The following MYO9B variants were observed in gnomAD, a reference collection of about 807,000 sequenced individuals.
MYO9B encodes unconventional myosin-IXb.
Under a neutral mutation model 229.5 loss-of-function variants are expected in MYO9B, and 71 were observed. The ratio of observed to expected loss-of-function variants is 0.31; its 90% CI spans 0.26 to 0.38. MYO9B has a LOEUF of 0.38. Ranked by LOEUF, MYO9B falls within the 10% of genes least tolerant of loss-of-function variation. MYO9B has a pLI of 1.00. For synonymous variants in MYO9B, 1,185 were observed against 1,235.8 expected (o/e 0.96, Z 0.86); for missense variants, 2,255 against 2,920.5 (o/e 0.77, Z 5.25).
rs12461009 is a variant in MYO9B, at chr19:17,101,291, T to C, written c.-58-369T>C. 0.74 allele frequency among the ~76,000 whole-genome samples: 111,707 copies of C among 151,636 alleles called. 41,622 individuals are homozygous for C. Among genetic ancestry groups the C allele is most frequent in the African/African-American group, 0.82 (33,839 of 41,340 alleles). On this transcript the variant is annotated intron_variant, in intron 1 of 39. Transcript: ENST00000682292. The surrounding 1 kb of genome is among the most constrained non-coding windows in gnomAD (Gnocchi z 4.7). Reference sequence around the variant, plus strand: ...CTCCTGGGTTCAAGTGATCCTCCCATCTCAGCCTCCTGAGGAGCTGGGACC... The same window carrying C: ...CTCCTGGGTTCAAGTGATCCTCCCACCTCAGCCTCCTGAGGAGCTGGGACC...
chr19:17,209,469 C>G, intron 35 of MYO9B, 117 bp from the exon 36 acceptor site: 1 of 1,116,656 alleles, frequency 9.0e-7, no homozygotes, highest in South Asian at 1.5e-5. Flanking sequence ...GTCCCAGGCA[C>G]TGCTTGGTCT....
intron 1 of MYO9B, among the ~76,000 whole-genome samples, chr19:17,089,306 A>G (rs1018416393): frequency 1.3e-5 from 2 of 152,154 alleles, no homozygotes; most frequent in African/African-American, 4.8e-5. Flanking sequence ...GATCAGGGAA[A>G]TGTACACAAA....
At chr19:17,186,790 G>A (rs1371874323) in intron 18 of MYO9B, among the ~76,000 whole-genome samples, 1 of 152,130 alleles carries the variant, frequency 6.6e-6, no homozygotes, top group African/African-American at 2.4e-5. Context: ...GAGTACAGTG[G>A]TGCGATCTCG....
intron 26 of MYO9B, among the ~76,000 whole-genome samples, chr19:17,201,713 C>G (rs1215801804): frequency 6.6e-6 from 1 of 152,084 alleles, no homozygotes; most frequent in Non-Finnish European, 1.5e-5. Flanking sequence ...ACAGGGCAGG[C>G]CCCAATGTGG....
rs978575088 is a variant in MYO9B, at chr19:17,103,394, A to G, written c.840+837A>G. ...CTGGGACTCATCAGGAGGCTGAGGG[A>G]GAGAGGGAAAAAGGGAGCGGGGAGA... is the stretch of plus-strand genomic sequence containing the variant. On this transcript the variant is annotated intron_variant, in intron 2 of 39. Transcript: ENST00000682292. 2.7e-4 allele frequency: 41 copies of G among 152,294 alleles called. 1 individual carries two copies. Among genetic ancestry groups the G allele is most frequent in the Non-Finnish European group, 1.5e-5 (1 of 68,080 alleles). The allele number at this position is 152,294 out of a possible 1,614,324, so 9.4% of individuals were successfully genotyped here.
intron 2 of MYO9B, among the ~76,000 whole-genome samples, chr19:17,132,517 T>C (rs2072211423): frequency 9.0e-6 from 1 of 111,344 alleles, no homozygotes; most frequent in African/African-American, 3.9e-5. Context: ...TATTTATTTA[T>C]TATTATTATT....
In MYO9B at chr19:17,200,315, C is replaced by G. The variant is rs1302333077; in HGVS notation, c.4261C>G (p.Leu1421Val). The G allele has an allele frequency of 1.2e-6, 2 of 1,612,390 alleles. No individual in the cohort carries two copies. Among genetic ancestry groups the G allele is most frequent in the Non-Finnish European group, 1.7e-6 (2 of 1,179,510 alleles). Reference sequence around the variant, plus strand: ...CAGATCCACGTTTAAGAGGCTTTTTCTGCATAAAACCAAGGATAAAAAATA... The same window carrying G: ...CAGATCCACGTTTAAGAGGCTTTTTGTGCATAAAACCAAGGATAAAAAATA... ...DSKSTFKRLF[L>V]HKTKDKKYSL... The change falls in exon 25 of 40, where the codon CTG becomes GTG. Residue 1421 changes from leucine (L) to valine (V), a missense_variant. Leu to Val is a conservative substitution (Grantham distance 32, BLOSUM62 1). This residue lies in a region of MYO9B where 679 missense variants were observed against 770.2 expected (regional missense o/e 0.88). Coordinates refer to ENST00000682292, the MANE Select transcript of MYO9B (RefSeq NM_004145.4).
intron 2 of MYO9B, among the ~76,000 whole-genome samples, chr19:17,114,640 T>G (rs919498357): frequency 1.3e-5 from 2 of 152,302 alleles, no homozygotes; most frequent in Non-Finnish European, 2.9e-5. Context: ...TGGGGTTTTT[T>G]GCAAAGGAAT....
At position 17,207,046 on chromosome 19, in the gene MYO9B, T is replaced by C. The variant is rs903954320; in HGVS notation, c.5493-67T>C. The C allele has an allele frequency of 3.8e-6, 6 of 1,573,398 alleles. No individual in the cohort carries two copies. In the African/African-American group the frequency reaches 6.8e-5, roughly 18 times the overall value. ...GCCACCCCAGGGCTCAGAAGTTCAG[T>C]CTCGGGGCTCCCTGGTACCTCCCTC... On this transcript the variant is annotated intron_variant, in intron 34 of 39. Transcript: ENST00000682292.
chr19:17,196,335 GTAA>G lies in MYO9B; in HGVS notation c.4046+864_4046+866del, dbSNP rs576552827. On this transcript the variant is annotated intron_variant, in intron 22 of 39. Transcript: ENST00000682292. The stretch of plus-strand genomic sequence containing the variant: ...GGGATGGATAGATAGAAGACAGGTA[GTAA>G]TGATGGATAGAGGCATGGATGGATG... 4.7e-3 allele frequency among the ~76,000 whole-genome samples: 716 copies of G among 152,204 alleles called. 3 individuals are homozygous for G. Among genetic ancestry groups the G allele is most frequent in the Non-Finnish European group, 7.9e-3 (538 of 68,004 alleles).
intron 31 of MYO9B, 127 bp from the exon 32 acceptor site, chr19:17,205,833 A>G: frequency 1.1e-6 from 1 of 907,258 alleles, no homozygotes; most frequent in Non-Finnish European, 1.6e-6. Context: ...AGAAGGAGAC[A>G]GGGAGGGACA....
In MYO9B at chr19:17,193,192, C is replaced by T; in HGVS notation, c.3128+130C>T. 1 of 1,113,602 alleles carries T rather than the reference C, an allele frequency of 9.0e-7. No individual in the cohort carries two copies. The highest frequency in any genetic ancestry group is 1.2e-6 in the Non-Finnish European group (1 of 827,478). The allele number at this position is 1,113,602 out of a possible 1,614,324, so 69.0% of individuals were successfully genotyped here. ...ATGTCATTCTGGACACAGGGAAAGGCTGGTGGGAAACCAGATGCCTAGGCA... is the reference window on the plus strand; with the variant it reads ...ATGTCATTCTGGACACAGGGAAAGGTTGGTGGGAAACCAGATGCCTAGGCA... On this transcript the variant is annotated intron_variant, in intron 21 of 39. Transcript: ENST00000682292. This position sits in a 1 kb window ranked among gnomAD's most constrained non-coding sequence, Gnocchi z 4.3.
chr19:17,151,247 C>T (rs1027118607), intron 3 of MYO9B, among the ~76,000 whole-genome samples: 1 of 150,884 alleles, frequency 6.6e-6, no homozygotes, highest in Non-Finnish European at 1.5e-5. Flanking sequence ...CATTGCACTC[C>T]AGCCTCGGCA....
intron 19 of MYO9B, 122 bp downstream of exon 19, chr19:17,188,167 G>A (rs986577474): frequency 2.3e-5 from 18 of 785,576 alleles, no homozygotes; most frequent in Middle Eastern, 2.6e-4. Context: ...AGTGGCTCAC[G>A]CCTGTAATCC....
intron 2 of MYO9B, among the ~76,000 whole-genome samples, chr19:17,131,212 A>G (rs2072191440): frequency 6.6e-6 from 1 of 152,254 alleles, no homozygotes; most frequent in South Asian, 2.1e-4. Flanking sequence ...CCCCCACTGG[A>G]AGGCCCCATC....
chr19:17,173,060 C>T, intron 13 of MYO9B, 97 bp downstream of exon 13: 1 of 1,395,480 alleles, frequency 7.2e-7, no homozygotes, highest in South Asian at 1.3e-5. Context: ...GCATTTAGTA[C>T]ATTCATTATG....
rs1199518139 is a variant in MYO9B, at chr19:17,212,890, G to T, written c.*580G>T. ...ACATGTCTCCGGGGGGCAGCCACCT[G>T]GCCAATGTGCATTTTTGCACATGCT... is the stretch of plus-strand genomic sequence containing the variant. On this transcript the variant is annotated 3_prime_UTR_variant, in exon 40 of 40. Coordinates refer to ENST00000682292, the MANE Select transcript of MYO9B (RefSeq NM_004145.4). This position sits in a 1 kb window ranked among gnomAD's most constrained non-coding sequence, Gnocchi z 5.4. The T allele has an allele frequency of 6.6e-6, 1 of 152,358 alleles. No homozygotes were observed. Among genetic ancestry groups the T allele is most frequent in the African/African-American group, 2.4e-5 (1 of 41,450 alleles). The allele number at this position is 152,358 out of a possible 1,614,324, so 9.4% of individuals were successfully genotyped here.
At chr19:17,120,331 A>G (rs2145122310) in intron 2 of MYO9B, among the ~76,000 whole-genome samples, 1 of 152,300 alleles carries the variant, frequency 6.6e-6, no homozygotes, top group South Asian at 2.1e-4. Flanking sequence ...GATTGGATTC[A>G]AAGGAGATTA....
At chr19:17,154,452 C>G in intron 6 of MYO9B, 37 bp downstream of exon 6, 2 of 1,521,230 alleles carry the variant, frequency 1.3e-6, no homozygotes, top group Non-Finnish European at 1.8e-6. Flanking sequence ...TCCCCCAGAG[C>G]CTACAGGGGG....
Sources: allele counts gnomAD v4.1 joint callset (sites outside exome capture counted in the v4.1 genomes callset), GRCh38; gene constraint gnomAD v4.1.1; regional missense constraint gnomAD v4.1.1; non-coding constraint Gnocchi (gnomAD v3.1); transcripts MANE v1.5; gene names NCBI Gene and HGNC (gene_info 2026-07-23, HGNC 2026-07-21).